The following DISC1 variants were observed in gnomAD, a reference collection of about 807,000 sequenced individuals.
DISC1 encodes the protein disrupted in schizophrenia 1 protein.
In DISC1, 57 loss-of-function variants were observed where a neutral mutation model predicts 84.5. The ratio of observed to expected loss-of-function variants is 0.67; its 90% CI spans 0.55 to 0.84. DISC1 has a LOEUF of 0.84. DISC1 is among the 40% of genes least tolerant of loss of function. DISC1 has a pLI of 0.00. For synonymous variants in DISC1, 411 were observed against 415.2 expected, an observed-to-expected ratio of 0.99 and a Z score of 0.12; for missense variants, 1,000 against 1,057.8, an observed-to-expected ratio of 0.95 and a Z score of 0.76.
chr1:231,839,911 C>G (rs2082911288), intron 9 of DISC1, among the ~76,000 whole-genome samples: 1 of 152,024 alleles, frequency 6.6e-6, no homozygotes, highest in Non-Finnish European at 1.5e-5. Flanking sequence ...AGAAAGGGCA[C>G]CAAGCCATGC....
intron 9 of DISC1, among the ~76,000 whole-genome samples, chr1:231,952,752 T>A (rs980665374): frequency 6.7e-6 from 1 of 149,854 alleles, no homozygotes; most frequent in Non-Finnish European, 1.5e-5. Flanking sequence ...ACAATGTAGA[T>A]TTATTTTATG....
rs1377345193 is a variant in DISC1, at chr1:231,954,371, T to C, written c.1982-4457T>C. Among the ~76,000 whole-genome samples the C allele has an allele frequency of 6.6e-6, 1 of 152,234 alleles. No individual in the cohort carries two copies. Among genetic ancestry groups the C allele is most frequent in the Admixed American group, 6.5e-5 (1 of 15,284 alleles). ...TCATGCACTCTACTGTTTTCACTGA[T>C]TTATGGCATTTAATTATCAATCTGT... On this transcript the variant is annotated intron_variant, in intron 9 of 12. Transcript: ENST00000439617. This position sits in a 1 kb window ranked among gnomAD's most constrained non-coding sequence, Gnocchi z 4.8.
intron 9 of DISC1, among the ~76,000 whole-genome samples, chr1:231,898,463 G>T (rs530282395): frequency 4.6e-5 from 7 of 152,164 alleles, no homozygotes; most frequent in Non-Finnish European, 1.0e-4. Flanking sequence ...ATTGACCGAA[G>T]ATTTTCTTTA....
At chr1:231,916,907 G>A (rs114181951) in intron 9 of DISC1, among the ~76,000 whole-genome samples, 2,573 of 152,234 alleles carry the variant, frequency 0.017, 36 homozygotes, top group South Asian at 0.045. Context: ...TCCCTGCTGG[G>A]ATCTTGTCCC....
intron 2 of DISC1, among the ~76,000 whole-genome samples, 186 bp from the exon 3 acceptor site, chr1:231,701,769 A>G (rs914432590): frequency 1.3e-5 from 2 of 151,992 alleles, no homozygotes; most frequent in South Asian, 2.1e-4. Context: ...CTTTTTCTTT[A>G]CATAGATTTT....
chr1:231,714,406 G>T (rs140603689), intron 3 of DISC1, among the ~76,000 whole-genome samples: 1 of 152,144 alleles, frequency 6.6e-6, no homozygotes, highest in Non-Finnish European at 1.5e-5. Context: ...AAAGAATAAA[G>T]TTGGACTCTT....
chr1:231,976,151 C>T (rs1416284898), intron 10 of DISC1, among the ~76,000 whole-genome samples: 4 of 152,166 alleles, frequency 2.6e-5, no homozygotes, highest in Non-Finnish European at 5.9e-5. Flanking sequence ...AGGGACCTAA[C>T]TATTTTGGTG....
At chr1:231,740,883 T>G (rs886069632) in intron 3 of DISC1, among the ~76,000 whole-genome samples, 3 of 152,198 alleles carry the variant, frequency 2.0e-5, no homozygotes, top group Non-Finnish European at 2.9e-5. Context: ...GTTTTCTACT[T>G]ATGGCATCAT....
intron 1 of DISC1, among the ~76,000 whole-genome samples, chr1:231,641,427 G>T (rs977868186): frequency 7.9e-5 from 12 of 152,182 alleles, no homozygotes; most frequent in African/African-American, 2.7e-4. Context: ...CTCCTTGTAG[G>T]TTCGTGGTCT....
At chr1:231,829,214 G>T (rs770245485) in intron 9 of DISC1, among the ~76,000 whole-genome samples, 5 of 152,058 alleles carry the variant, frequency 3.3e-5, no homozygotes, top group Non-Finnish European at 5.9e-5. Context: ...TGATTTGCAG[G>T]TTATAGCAAT....
intron 2 of DISC1, among the ~76,000 whole-genome samples, chr1:231,701,449 T>C (rs1004030986): frequency 6.6e-6 from 1 of 152,210 alleles, no homozygotes; most frequent in Admixed American, 6.5e-5. Context: ...TTTTCTGTAA[T>C]GGAAAATATT....
At chr1:231,810,842 G>A (rs548970882) in intron 8 of DISC1, among the ~76,000 whole-genome samples, 21 of 152,310 alleles carry the variant, frequency 1.4e-4, no homozygotes, top group African/African-American at 4.6e-4. Flanking sequence ...TGTTACAGAA[G>A]TTATTATTTA....
At chr1:231,873,755 A>G (rs1291488936) in intron 9 of DISC1, among the ~76,000 whole-genome samples, 1 of 152,244 alleles carries the variant, frequency 6.6e-6, no homozygotes, top group Non-Finnish European at 1.5e-5. Context: ...ACTGACTCTA[A>G]GAAGAGAAAG....
intron 1 of DISC1, among the ~76,000 whole-genome samples, chr1:231,658,605 G>T (rs563392643): frequency 1.3e-5 from 2 of 152,288 alleles, no homozygotes; most frequent in Non-Finnish European, 2.9e-5. Flanking sequence ...TATGATATTG[G>T]CTGTGGGTTT....
intron 1 of DISC1, among the ~76,000 whole-genome samples, chr1:231,678,858 AG>A (rs2063421658): frequency 6.6e-6 from 1 of 151,930 alleles, no homozygotes; most frequent in African/African-American, 2.4e-5. Context: ...TTGTATTTTT[AG>A]TAGAGACAGG....
At chr1:231,925,876 C>T (rs992922879) in intron 9 of DISC1, 1 of 152,262 alleles carries the variant, frequency 6.6e-6, no homozygotes, top group African/African-American at 2.4e-5. Context: ...AAAAGATTCT[C>T]CCTCAGAGCC....
intron 3 of DISC1, among the ~76,000 whole-genome samples, chr1:231,738,497 G>A (rs1408733867): frequency 6.6e-6 from 1 of 152,090 alleles, no homozygotes; most frequent in African/African-American, 2.4e-5. Context: ...CCTCATGACC[G>A]GGTTCAGGTC....
chr1:231,747,948 A>G (rs145674984), intron 3 of DISC1, among the ~76,000 whole-genome samples: 1 of 151,940 alleles, frequency 6.6e-6, no homozygotes, highest in East Asian at 1.9e-4. Flanking sequence ...GAGATCTTTC[A>G]CTTTCTTGGT....
chr1:231,784,532 ACT>A (rs1282332043), intron 6 of DISC1, among the ~76,000 whole-genome samples: 14 of 152,086 alleles, frequency 9.2e-5, no homozygotes, highest in African/African-American at 3.1e-4. Flanking sequence ...AGAGAGAAAA[ACT>A]CTAAATATAT....
Sources: allele counts gnomAD v4.1 joint callset (sites outside exome capture counted in the v4.1 genomes callset), GRCh38; gene constraint gnomAD v4.1.1; non-coding constraint Gnocchi (gnomAD v3.1); transcripts MANE v1.5; gene names NCBI Gene and HGNC (gene_info 2026-07-23, HGNC 2026-07-21).